SLIT3: variants seen among roughly 807,000 people sequenced by gnomAD.
The protein encoded by SLIT3 is slit homolog 3 protein.
SLIT3 carries 68 observed loss-of-function variants against 184.0 expected under a neutral mutation model. That is an observed-to-expected ratio of 0.37 (90% CI 0.30 to 0.45). SLIT3 has a LOEUF of 0.45. SLIT3 is among the 20% of genes least tolerant of loss of function. The pLI is 1.00. For synonymous variants in SLIT3, 831 were observed against 828.6 expected (o/e 1.00, Z -0.05); for missense variants, 1,707 against 2,026.0 (o/e 0.84, Z 3.02).
At chr5:168,839,442 G>C (rs984006798) in intron 6 of SLIT3, among the ~76,000 whole-genome samples, 1 of 152,234 alleles carries the variant, frequency 6.6e-6, no homozygotes, top group Non-Finnish European at 1.5e-5. Context: ...AGCCACAGCT[G>C]ACTGCAATGC....
At chr5:169,261,990 GC>G (rs1766205258) in intron 1 of SLIT3, among the ~76,000 whole-genome samples, 1 of 152,182 alleles carries the variant, frequency 6.6e-6, no homozygotes, top group South Asian at 2.1e-4. Flanking sequence ...GGAACCTGAA[GC>G]CTTCTAATAG....
intron 4 of SLIT3, among the ~76,000 whole-genome samples, chr5:169,090,270 A>G (rs180952080): frequency 3.0e-4 from 46 of 152,238 alleles, no homozygotes; most frequent in Non-Finnish European, 6.5e-4. Flanking sequence ...GAGAAGGAGG[A>G]GAAATAATAG....
intron 8 of SLIT3, among the ~76,000 whole-genome samples, chr5:168,812,074 C>G (rs573702337): frequency 3.9e-5 from 6 of 152,116 alleles, no homozygotes; most frequent in African/African-American, 1.2e-4. Flanking sequence ...AACCGGAGGA[C>G]GTTATGTTAG....
intron 4 of SLIT3, among the ~76,000 whole-genome samples, chr5:168,907,676 A>G (rs1761097638): frequency 6.6e-6 from 1 of 152,080 alleles, no homozygotes; most frequent in African/African-American, 2.4e-5. Context: ...CATTTTGGAA[A>G]ACACAGGAAG....
intron 7 of SLIT3, among the ~76,000 whole-genome samples, chr5:168,820,946 C>G (rs1335823995): frequency 6.6e-6 from 1 of 152,130 alleles, no homozygotes; most frequent in Non-Finnish European, 1.5e-5. Context: ...TCCACCACCA[C>G]CAGCCGTCCC....
intron 4 of SLIT3, among the ~76,000 whole-genome samples, chr5:169,043,511 C>G (rs563241614): frequency 1.1e-4 from 16 of 152,316 alleles, no homozygotes; most frequent in Non-Finnish European, 1.6e-4. Flanking sequence ...CATGAAAATA[C>G]TTTGTTCCCT....
chr5:169,051,386 C>G (rs1435251343), intron 4 of SLIT3, among the ~76,000 whole-genome samples: 1 of 151,882 alleles, frequency 6.6e-6, no homozygotes, highest in Non-Finnish European at 1.5e-5. Flanking sequence ...TAAGTTTCCT[C>G]CTGCCCAGGA....
intron 4 of SLIT3, among the ~76,000 whole-genome samples, chr5:169,050,905 C>T (rs1042524885): frequency 3.3e-5 from 5 of 152,184 alleles, no homozygotes; most frequent in African/African-American, 9.7e-5. Context: ...ATTTATGTTT[C>T]GCATTTAGAT....
chr5:168,908,797 T>C (rs967283037), intron 4 of SLIT3, among the ~76,000 whole-genome samples: 2 of 152,166 alleles, frequency 1.3e-5, no homozygotes, highest in Admixed American at 6.5e-5. Flanking sequence ...CCCTATACCA[T>C]CTATTACAAA....
At chr5:169,008,691 G>A (rs1756026894) in intron 4 of SLIT3, among the ~76,000 whole-genome samples, 1 of 152,036 alleles carries the variant, frequency 6.6e-6, no homozygotes, top group Non-Finnish European at 1.5e-5. Flanking sequence ...AATAGAGACA[G>A]GGTCTCCGTA....
At chr5:168,718,527 T>A (rs935596712) in intron 23 of SLIT3, among the ~76,000 whole-genome samples, 1 of 152,114 alleles carries the variant, frequency 6.6e-6, no homozygotes, top group Non-Finnish European at 1.5e-5. Flanking sequence ...TCCCCTAAGA[T>A]GGATGAAGAT....
chr5:169,035,587 T>A (rs1461970121), intron 4 of SLIT3, among the ~76,000 whole-genome samples: 1 of 147,450 alleles, frequency 6.8e-6, no homozygotes, highest in African/African-American at 2.5e-5. Flanking sequence ...AGGTGGAGCT[T>A]GCAGTGAGCC....
intron 1 of SLIT3, among the ~76,000 whole-genome samples, chr5:169,293,223 T>C (rs990097253): frequency 6.6e-6 from 1 of 151,982 alleles, no homozygotes; most frequent in Non-Finnish European, 1.5e-5. Flanking sequence ...GTTACAACAA[T>C]CAATGAGAGA....
At chr5:169,232,272 T>C (rs1434188433) in intron 3 of SLIT3, among the ~76,000 whole-genome samples, 1 of 152,206 alleles carries the variant, frequency 6.6e-6, no homozygotes, top group East Asian at 1.9e-4. Flanking sequence ...TTGCCCAGAC[T>C]AGGGTGCAGT....
chr5:168,947,746 G>T (rs1158957545), intron 4 of SLIT3, among the ~76,000 whole-genome samples: 1 of 152,144 alleles, frequency 6.6e-6, no homozygotes, highest in Non-Finnish European at 1.5e-5. Context: ...GGCAATAATG[G>T]GGAAGGAGAG....
intron 4 of SLIT3, among the ~76,000 whole-genome samples, chr5:168,926,374 T>C (rs903164479): frequency 3.9e-5 from 6 of 152,218 alleles, no homozygotes; most frequent in African/African-American, 1.2e-4. Flanking sequence ...AGAGAGAACA[T>C]ATATCTTCAA....
chr5:169,076,286 A>C (rs1461192437), intron 4 of SLIT3, among the ~76,000 whole-genome samples: 1 of 152,244 alleles, frequency 6.6e-6, no homozygotes, highest in Admixed American at 6.5e-5. Flanking sequence ...AAGAGATCAG[A>C]GAGACCATAT....
Position 169,270,592 on chromosome 5 carries a change from TGA to T in SLIT3, c.198-19135_198-19134del, listed in dbSNP as rs563929748. 2.8e-3 allele frequency among the ~76,000 whole-genome samples: 420 copies of T among 152,234 alleles called. 6 individuals are homozygous for T. Among genetic ancestry groups the T allele is most frequent in the African/African-American group, 9.5e-3 (396 of 41,546 alleles). ...AGAGTTGTGTAGCTGCCACTGAGACTGAGAGACCCAGAGCCTAAATATACATG... is the reference window on the plus strand; with the variant it reads ...AGAGTTGTGTAGCTGCCACTGAGACTGAGACCCAGAGCCTAAATATACATG... On this transcript the variant is annotated intron_variant, in intron 1 of 35. Transcript: ENST00000519560.
intron 4 of SLIT3, among the ~76,000 whole-genome samples, chr5:169,008,895 C>T (rs1274784298): frequency 6.6e-6 from 1 of 152,204 alleles, no homozygotes; most frequent in Non-Finnish European, 1.5e-5. Context: ...CATTTTCTCA[C>T]ATAACCCCTC....
Sources: allele counts gnomAD v4.1 joint callset (sites outside exome capture counted in the v4.1 genomes callset), GRCh38; gene constraint gnomAD v4.1.1; transcripts MANE v1.5; gene names NCBI Gene and HGNC (gene_info 2026-07-23, HGNC 2026-07-21).